Variants in TLR2 observed in about 807,000 individuals in gnomAD.
TLR2 encodes the protein toll-like receptor 2.
A neutral mutation model predicts 9.1 loss-of-function variants in TLR2; 7 were observed. The ratio of observed to expected loss-of-function variants is 0.77; its 90% confidence interval spans 0.44 to 1.44. TLR2 has a LOEUF of 1.44. Among genes scored for constraint, TLR2 ranks in the 40% most tolerant of loss-of-function variants. The pLI, the probability that TLR2 is intolerant of heterozygous loss-of-function variation, is 0.01. For missense variants in TLR2, 812 were observed against 904.6 expected, an observed-to-expected ratio of 0.90 and a Z score of 1.31; for synonymous variants, 317 against 344.6, an observed-to-expected ratio of 0.92 and a Z score of 0.89.
At chr4:153,687,635 CATAA>C (rs1023579637) in intron 1 of TLR2, among the ~76,000 whole-genome samples, 3 of 151,988 alleles carry the variant, frequency 2.0e-5, no homozygotes, top group African/African-American at 7.2e-5. Flanking sequence ...TCCACCAAAT[CATAA>C]ATAGCCAAGC....
chr4:153,691,814 TG>T lies in TLR2; in HGVS notation c.-17+3769del, dbSNP rs1216757507. Among the ~76,000 whole-genome samples the T allele has an allele frequency of 2.0e-5, 3 of 152,246 alleles. No individual in the cohort carries two copies. The East Asian group carries it at 5.8e-4, about 29-fold the overall frequency. ...CGTATAGTTACTTTCTGTGGCACAA[TG>T]GTAGTGTCATTTACTAAGGTCCCCA... is the stretch of plus-strand genomic sequence containing the variant. On this transcript the variant is annotated intron_variant, in intron 2 of 2. Coordinates refer to ENST00000642700, the MANE Select transcript of TLR2 (RefSeq NM_001318789.2).
chr4:153,703,333 A>T lies in TLR2; in HGVS notation c.426A>T (p.Thr142=). The T allele has an allele frequency of 2.5e-6, 4 of 1,613,810 alleles. No individual in the cohort carries two copies. The highest frequency in any genetic ancestry group is 1.7e-6 in the Non-Finnish European group (2 of 1,179,954). Residue 142 remains threonine, a synonymous_variant, in exon 3 of 3, where the codon ACA becomes ACT. Transcript: ENST00000642700. ...ATCCTTACAAAACCCTAGGGGAAAC[A>T]TCTCTTTTTTCTCATCTCACAAAAT... ...LGNPYKTLGE[T]SLFSHLTKLQ... is the part of the protein sequence containing the mutation.
Position 153,685,641 on chromosome 4 carries a change from T to C in TLR2, c.-163+1281T>C, listed in dbSNP as rs79961433. Among the ~76,000 whole-genome samples, 713 of 152,354 alleles carry C rather than the reference T, an allele frequency of 4.7e-3. 5 individuals are homozygous for C. Among genetic ancestry groups the C allele is most frequent in the African/African-American group, 0.015 (623 of 41,590 alleles). ...AGGAACATCTTTAAGTTCTTTATAA[T>C]GTACCCATTTTACATTTACAAAAAC... On this transcript the variant is annotated intron_variant, in intron 1 of 2. Coordinates refer to ENST00000642700, the MANE Select transcript of TLR2 (RefSeq NM_001318789.2).
chr4:153,703,039 C>T lies in TLR2; in HGVS notation c.132C>T (p.Asn44=). The change falls in exon 3 of 3, where the codon AAC becomes AAT. Residue 44 remains asparagine, a synonymous_variant. Coordinates refer to ENST00000642700, the MANE Select transcript of TLR2 (RefSeq NM_001318789.2). ...GICKGSSGSL[N]SIPSGLTEAV... ...GCAAGGGCAGCTCAGGATCTTTAAA[C>T]TCCATTCCCTCAGGGCTCACAGAAG... The T allele has an allele frequency of 6.2e-7, 1 of 1,614,048 alleles. No individual in the cohort carries two copies. Among genetic ancestry groups the T allele is most frequent in the Non-Finnish European group, 8.5e-7 (1 of 1,180,020 alleles).
chr4:153,695,660 A>C (rs542264169), intron 2 of TLR2, among the ~76,000 whole-genome samples: 23 of 152,198 alleles, frequency 1.5e-4, no homozygotes, highest in African/African-American at 5.5e-4. Context: ...TTAATTTGCT[A>C]TGCAGAAACT....
At chr4:153,684,671 G>A (rs1246783640) in intron 1 of TLR2, among the ~76,000 whole-genome samples, 1 of 152,224 alleles carries the variant, frequency 6.6e-6, no homozygotes, top group African/African-American at 2.4e-5. Flanking sequence ...AGAGCCCGAG[G>A]TCGGGACCCC....
At chr4:153,687,342 C>T (rs976966870) in intron 1 of TLR2, among the ~76,000 whole-genome samples, 1 of 151,978 alleles carries the variant, frequency 6.6e-6, no homozygotes, top group Non-Finnish European at 1.5e-5. Context: ...AATTAATGTG[C>T]TAGAAAATAG....
intron 2 of TLR2, among the ~76,000 whole-genome samples, chr4:153,700,886 T>C (rs4696484): frequency 7.9e-5 from 12 of 152,236 alleles, no homozygotes; most frequent in Admixed American, 2.6e-4. Flanking sequence ...GATTATTTCC[T>C]CAAGATGATC....
intron 2 of TLR2, among the ~76,000 whole-genome samples, chr4:153,700,703 A>G (rs1736826138): frequency 6.6e-6 from 1 of 152,216 alleles, no homozygotes. Context: ...TATCTCCTAT[A>G]TATTGAGATA....
rs1376902300 is a variant in TLR2, at chr4:153,705,897, G to A, written c.*635G>A. Among the ~76,000 whole-genome samples, 2 of 152,174 alleles carry A rather than the reference G, an allele frequency of 1.3e-5. No individual in the cohort carries two copies. The highest frequency in any genetic ancestry group is 2.4e-5 in the African/African-American group (1 of 41,428). ...AATGAACTTAAGATTCTCAATGACT[G>A]TGTCATTCTTTCTTCCTGCTAAGAG... On this transcript the variant is annotated 3_prime_UTR_variant, in exon 3 of 3. Coordinates refer to ENST00000642700, the MANE Select transcript of TLR2 (RefSeq NM_001318789.2).
intron 2 of TLR2, among the ~76,000 whole-genome samples, chr4:153,701,212 G>A (rs550676362): frequency 6.6e-6 from 1 of 152,296 alleles, no homozygotes; most frequent in East Asian, 1.9e-4. Flanking sequence ...CTAAAACTAA[G>A]TATTAAGAGG....
At chr4:153,692,537 A>G (rs952999680) in intron 2 of TLR2, among the ~76,000 whole-genome samples, 3 of 152,206 alleles carry the variant, frequency 2.0e-5, no homozygotes, top group Non-Finnish European at 2.9e-5. Flanking sequence ...CAAAAATGAT[A>G]TCCTAAACCT....
At chr4:153,690,723 A>T (rs1331120143) in intron 2 of TLR2, among the ~76,000 whole-genome samples, 2 of 152,236 alleles carry the variant, frequency 1.3e-5, no homozygotes, top group Admixed American at 6.5e-5. Context: ...GCTTCTTTCC[A>T]GGTACTGTTA....
chr4:153,689,278 G>A (rs1464968098), intron 2 of TLR2, among the ~76,000 whole-genome samples: 27 of 152,142 alleles, frequency 1.8e-4, no homozygotes, highest in Admixed American at 1.6e-3. Context: ...CTCCTACAGC[G>A]GGCCATATCA....
chr4:153,696,746 T>C (rs1258415504), intron 2 of TLR2, among the ~76,000 whole-genome samples: 1 of 152,126 alleles, frequency 6.6e-6, no homozygotes, highest in Non-Finnish European at 1.5e-5. Flanking sequence ...TAGTTTTCAC[T>C]GGAAATTAAA....
Position 153,705,418 on chromosome 4 carries a change from G to T in TLR2, c.*156G>T. On this transcript the variant is annotated 3_prime_UTR_variant, in exon 3 of 3. Coordinates refer to ENST00000642700, the MANE Select transcript of TLR2 (RefSeq NM_001318789.2). Reference sequence around the variant, plus strand: ...CTACAAAACTTCAAATTTTGTCTGGGGTGCTGTTTTATAAACATATGCCAG... The same window carrying T: ...CTACAAAACTTCAAATTTTGTCTGGTGTGCTGTTTTATAAACATATGCCAG... 3.6e-6 allele frequency: 3 copies of T among 837,004 alleles called. No homozygotes were observed. The highest frequency in any genetic ancestry group is 3.6e-5 in the Admixed American group (1 of 27,448). 51.8% of individuals were successfully genotyped at this position (837,004 alleles called of 1,614,324 possible). A position where few individuals can be genotyped will look rare whatever the true frequency, so the allele number is the denominator to read the frequency against.
chr4:153,687,578 CTG>C (rs1307433918), intron 1 of TLR2, among the ~76,000 whole-genome samples: 1 of 114,310 alleles, frequency 8.7e-6, no homozygotes, highest in Non-Finnish European at 1.8e-5. Context: ...CATAAACAAA[CTG>C]AAACCTAACT....
rs1365186909 is a variant in TLR2 at position 153,703,207 on chromosome 4, C to G, written c.300C>G (p.Gly100=). 6.2e-7 allele frequency: 1 copy of G among 1,614,060 alleles called. No individual in the cohort carries two copies. Among genetic ancestry groups the G allele is most frequent in the Non-Finnish European group, 8.5e-7 (1 of 1,180,036 alleles). ...AGGAAGATTCTTTTTCTTCCCTGGGCAGTCTTGAACATTTAGACTTATCCT... is the reference window on the plus strand; with the variant it reads ...AGGAAGATTCTTTTTCTTCCCTGGGGAGTCTTGAACATTTAGACTTATCCT... ...TIEEDSFSSL[G]SLEHLDLSYN... Residue 100 remains glycine, a synonymous_variant, in exon 3 of 3, where the codon GGC becomes GGG. Coordinates refer to ENST00000642700, the MANE Select transcript of TLR2 (RefSeq NM_001318789.2).
intron 1 of TLR2, among the ~76,000 whole-genome samples, chr4:153,685,879 A>T (rs549303865): frequency 1.3e-5 from 2 of 152,364 alleles, no homozygotes; most frequent in African/African-American, 4.8e-5. Context: ...CTGCTGTAAC[A>T]AAATACCTGA....
Sources: gnomAD v4.1 joint callset for allele counts (sites outside exome capture counted in the v4.1 genomes callset) on GRCh38, gnomAD v4.1.1 for gene constraint, MANE v1.5 for transcripts, NCBI Gene and HGNC (gene_info 2026-07-23, HGNC 2026-07-21) for gene names.